The following NRXN3 variants were observed in gnomAD, a reference collection of about 807,000 sequenced individuals.
NRXN3 encodes the protein neurexin 3, also known as neurexin III.
NRXN3 carries 32 observed loss-of-function variants against 137.6 expected under a neutral mutation model. The ratio of observed to expected loss-of-function variants is 0.23; its 90% CI spans 0.18 to 0.31. NRXN3 has a LOEUF of 0.31. Ranked by LOEUF, NRXN3 falls within the 10% of genes least tolerant of loss-of-function variation. NRXN3 has a pLI of 1.00. For missense variants in NRXN3, 1,574 were observed against 2,062.5 expected, an observed-to-expected ratio of 0.76 and a Z score of 4.59; for synonymous variants, 798 against 784.5, an observed-to-expected ratio of 1.02 and a Z score of -0.29.
At chr14:78,794,940 A>ACAAAC (rs1555499206) in intron 8 of NRXN3, among the ~76,000 whole-genome samples, 12 of 148,436 alleles carry the variant, frequency 8.1e-5, no homozygotes, top group African/African-American at 2.5e-4. Flanking sequence ...AAACAAACAA[A>ACAAAC]AAAAAAAGTA....
chr14:79,299,119 TTTG>T, intron 15 of NRXN3, among the ~76,000 whole-genome samples: 3 of 152,188 alleles, frequency 2.0e-5, no homozygotes, highest in African/African-American at 7.2e-5. Flanking sequence ...TATTTATTTA[TTTG>T]CTTTTGTTTT....
chr14:78,410,034 A>T (rs748687955), intron 4 of NRXN3, among the ~76,000 whole-genome samples: 9 of 152,158 alleles, frequency 5.9e-5, no homozygotes, highest in South Asian at 4.2e-4. Flanking sequence ...TCCAACCCTT[A>T]CTTTACTTAG....
chr14:78,241,914 T>C (rs1262771080), intron 1 of NRXN3, among the ~76,000 whole-genome samples: 1 of 152,188 alleles, frequency 6.6e-6, no homozygotes, highest in African/African-American at 2.4e-5. Flanking sequence ...TATAAACATT[T>C]CTTTCACAAA....
chr14:78,962,339 G>A (rs202226993), intron 11 of NRXN3, among the ~76,000 whole-genome samples: 7,217 of 152,232 alleles, frequency 0.047, 574 homozygotes, highest in East Asian at 0.38. Context: ...ATTTAGCACA[G>A]TGCTTGCCTT....
At chr14:79,552,827 G>A (rs771951224) in intron 16 of NRXN3, among the ~76,000 whole-genome samples, 3 of 152,106 alleles carry the variant, frequency 2.0e-5, no homozygotes, top group African/African-American at 4.8e-5. Context: ...TAAGGTAATG[G>A]CCCTTAGAAG....
At chr14:79,792,121 C>G (rs1346207104) in intron 19 of NRXN3, among the ~76,000 whole-genome samples, 1 of 152,066 alleles carries the variant, frequency 6.6e-6, no homozygotes, top group Non-Finnish European at 1.5e-5. Flanking sequence ...TTTGGGTTCT[C>G]TGAGCAGCTG....
Position 78,968,048 on chromosome 14 carries a change from T to TTCC in NRXN3, c.2969-125_2969-124insTCC, listed in dbSNP as rs2099425468. 4.4e-4 allele frequency: 24 copies of TTCC among 54,524 alleles called. 5 individuals are homozygous for TTCC. The East Asian group carries it at 0.012, about 27-fold the overall frequency. The allele number at this position is 54,524 out of a possible 1,614,324, so 3.4% of individuals were successfully genotyped here. A position where few individuals can be genotyped will look rare whatever the true frequency, so the allele number is the denominator to read the frequency against. ...TCAGGTGCTTATCTCATTTATGCTG[T>TTCC]CCCCCCCCCCCCCCCCCAGCTATCT... On this transcript the variant is annotated intron_variant, in intron 13 of 20. Coordinates refer to ENST00000335750, the MANE Select transcript of NRXN3 (RefSeq NM_001330195.2).
At chr14:78,584,347 C>T (rs2097037471) in intron 4 of NRXN3, among the ~76,000 whole-genome samples, 1 of 152,148 alleles carries the variant, frequency 6.6e-6, no homozygotes, top group African/African-American at 2.4e-5. Flanking sequence ...TGTGATGATC[C>T]TCCAAGTATT....
At chr14:79,769,023 G>A (rs1190292943) in intron 19 of NRXN3, among the ~76,000 whole-genome samples, 2 of 151,966 alleles carry the variant, frequency 1.3e-5, no homozygotes, top group South Asian at 4.2e-4. Flanking sequence ...AAGGGTATCA[G>A]CAATGGAAGA....
At chr14:78,253,023 C>T (rs1238624081) in intron 2 of NRXN3, among the ~76,000 whole-genome samples, 1 of 152,086 alleles carries the variant, frequency 6.6e-6, no homozygotes, top group Non-Finnish European at 1.5e-5. Context: ...CATGGTTAGC[C>T]TTGAGAGTTA....
intron 15 of NRXN3, among the ~76,000 whole-genome samples, chr14:79,309,819 A>G (rs2086878679): frequency 1.4e-5 from 2 of 141,054 alleles, no homozygotes; most frequent in South Asian, 4.7e-4. Context: ...TTCATTGTAG[A>G]TTCTGGATAT....
At chr14:79,809,356 C>G (rs1056738142) in intron 20 of NRXN3, among the ~76,000 whole-genome samples, 2 of 152,180 alleles carry the variant, frequency 1.3e-5, no homozygotes, top group Non-Finnish European at 2.9e-5. Flanking sequence ...CCAGGCTGGT[C>G]TCAAACTCCT....
At chr14:79,616,388 T>C (rs1474038618) in intron 16 of NRXN3, among the ~76,000 whole-genome samples, 2 of 152,174 alleles carry the variant, frequency 1.3e-5, no homozygotes, top group Admixed American at 6.5e-5. Flanking sequence ...GAATCTACTC[T>C]TCTAACTGCC....
intron 16 of NRXN3, among the ~76,000 whole-genome samples, chr14:79,574,913 C>T (rs1290422070): frequency 1.3e-5 from 2 of 151,942 alleles, no homozygotes; most frequent in East Asian, 3.9e-4. Flanking sequence ...TTTACTGGAG[C>T]TCCTCCCCAA....
intron 10 of NRXN3, among the ~76,000 whole-genome samples, chr14:78,937,686 T>G (rs1240101466): frequency 1.3e-5 from 2 of 152,208 alleles, no homozygotes; most frequent in East Asian, 3.8e-4. Context: ...CACCAGGAAA[T>G]TCTCCATTTC....
chr14:79,169,973 A>T (rs1052144196), intron 15 of NRXN3, among the ~76,000 whole-genome samples: 3 of 152,106 alleles, frequency 2.0e-5, no homozygotes, highest in African/African-American at 7.2e-5. Context: ...CAATGACCTA[A>T]GCTAGGGTAG....
In NRXN3 at chr14:79,868,239, A is replaced by G. The variant is rs892686544; in HGVS notation, c.*6275A>G. On this transcript the variant is annotated 3_prime_UTR_variant, in exon 21 of 21. Coordinates refer to ENST00000335750, the MANE Select transcript of NRXN3 (RefSeq NM_001330195.2). The stretch of plus-strand genomic sequence containing the variant: ...AGGATCAAAATTAGCTGCTATATGC[A>G]TGACTAACCAGGACCAAAAAGTTAA... 3 of 152,250 alleles carry G rather than the reference A, an allele frequency of 2.0e-5. No homozygotes were observed. The highest frequency in any genetic ancestry group is 6.5e-5 in the Admixed American group (1 of 15,284). 9.4% of individuals were successfully genotyped at this position (152,250 alleles called of 1,614,324 possible). A position where few individuals can be genotyped will look rare whatever the true frequency, so the allele number is the denominator to read the frequency against.
Position 78,243,876 on chromosome 14 carries a change from G to C in NRXN3, c.709+74G>C, listed in dbSNP as rs1008501314. On this transcript the variant is annotated intron_variant, in intron 2 of 20. Coordinates refer to ENST00000335750, the MANE Select transcript of NRXN3 (RefSeq NM_001330195.2). This position sits in a 1 kb window ranked among gnomAD's most constrained non-coding sequence, Gnocchi z 4.2. ...AGGCTGGGGCTCCTGATACAAACCA[G>C]TTCTATATGGATGCATATCTTTAGC... is the stretch of plus-strand genomic sequence containing the variant. 4 of 1,082,254 alleles carry C rather than the reference G, an allele frequency of 3.7e-6. No individual in the cohort carries two copies. In the African/African-American group the frequency reaches 6.3e-5, roughly 17 times the overall value. The allele number at this position is 1,082,254 out of a possible 1,614,324, so 67.0% of individuals were successfully genotyped here. A position where few individuals can be genotyped will look rare whatever the true frequency, so the allele number is the denominator to read the frequency against.
At chr14:79,323,343 A>C (rs1367613351) in intron 15 of NRXN3, among the ~76,000 whole-genome samples, 1 of 152,138 alleles carries the variant, frequency 6.6e-6, no homozygotes, top group Non-Finnish European at 1.5e-5. Context: ...TGCCTGCCCT[A>C]ATGGTGTTTT....
Sources: allele counts gnomAD v4.1 joint callset (sites outside exome capture counted in the v4.1 genomes callset), GRCh38; gene constraint gnomAD v4.1.1; non-coding constraint Gnocchi (gnomAD v3.1); transcripts MANE v1.5; gene names NCBI Gene and HGNC (gene_info 2026-07-23, HGNC 2026-07-21).